The following COL25A1 variants were observed in gnomAD, a reference collection of about 807,000 sequenced individuals.
COL25A1 encodes the protein collagen alpha-1(XXV) chain.
A neutral mutation model predicts 128.4 loss-of-function variants in COL25A1; 103 were observed. The observed-to-expected ratio is 0.80, with a 90% CI of 0.68 to 0.94. The LOEUF (loss-of-function observed/expected upper bound fraction) is 0.94. Ranked by LOEUF, COL25A1 falls within the 40% of genes least tolerant of loss-of-function variation. COL25A1 has a pLI of 0.00. For synonymous variants in COL25A1, 279 were observed against 277.2 expected, an observed-to-expected ratio of 1.01 and a Z score of -0.06; for missense variants, 745 against 840.0, an observed-to-expected ratio of 0.89 and a Z score of 1.40.
chr4:109,013,484 C>CTT (rs1561025464), intron 5 of COL25A1, among the ~76,000 whole-genome samples: 1 of 151,194 alleles, frequency 6.6e-6, no homozygotes, highest in South Asian at 2.1e-4. Flanking sequence ...GAGTCCCCTT[C>CTT]CACACTGTGT....
intron 8 of COL25A1, among the ~76,000 whole-genome samples, chr4:108,970,623 G>T (rs915218116): frequency 1.3e-5 from 2 of 152,066 alleles, no homozygotes; most frequent in Non-Finnish European, 2.9e-5. Context: ...ATTAACTGTG[G>T]TCACGTTGCT....
chr4:109,050,104 G>A (rs775596336), intron 4 of COL25A1, 31 bp downstream of exon 4: 4 of 1,592,414 alleles, frequency 2.5e-6, no homozygotes, highest in Non-Finnish European at 3.4e-6. Context: ...CAGAACATGA[G>A]TGACACAGAG....
chr4:109,089,037 A>C (rs189575117), intron 3 of COL25A1, among the ~76,000 whole-genome samples: 170 of 152,346 alleles, frequency 1.1e-3, no homozygotes, highest in African/African-American at 3.7e-3. Context: ...AGATAAATGA[A>C]AAAGGGGCTT....
chr4:108,943,348 G>A (rs2125932104), intron 8 of COL25A1, among the ~76,000 whole-genome samples: 1 of 152,124 alleles, frequency 6.6e-6, no homozygotes, highest in African/African-American at 2.4e-5. Flanking sequence ...ACAACAACAG[G>A]GAACAAAATT....
intron 3 of COL25A1, among the ~76,000 whole-genome samples, chr4:109,167,872 G>A (rs1251410418): frequency 2.0e-5 from 3 of 152,126 alleles, no homozygotes; most frequent in Non-Finnish European, 4.4e-5. Flanking sequence ...TATAATTTCA[G>A]ATAGATGAGG....
intron 3 of COL25A1, among the ~76,000 whole-genome samples, chr4:109,130,813 C>G (rs891968940): frequency 6.6e-6 from 1 of 152,248 alleles, no homozygotes. Flanking sequence ...CTCTTTTGAT[C>G]ATGTAACCCT....
chr4:109,263,525 G>A (rs1053038850), intron 3 of COL25A1, among the ~76,000 whole-genome samples: 4 of 152,162 alleles, frequency 2.6e-5, no homozygotes, highest in African/African-American at 9.7e-5. Flanking sequence ...TATTAAAGCA[G>A]AGAAATGTAA....
At chr4:108,919,608 A>G (rs1745263525) in intron 12 of COL25A1, among the ~76,000 whole-genome samples, 1 of 152,120 alleles carries the variant, frequency 6.6e-6, no homozygotes, top group South Asian at 2.1e-4. Flanking sequence ...TGGGTTAAAT[A>G]TCCCCCTCCC....
At chr4:109,227,674 A>G (rs1340974187) in intron 3 of COL25A1, among the ~76,000 whole-genome samples, 1 of 151,984 alleles carries the variant, frequency 6.6e-6, no homozygotes, top group Non-Finnish European at 1.5e-5. Flanking sequence ...CAAGCGGACA[A>G]TTTTACAGAT....
At chr4:109,010,402 A>G in intron 5 of COL25A1, 27 bp from the exon 6 acceptor site, 1 of 1,529,842 alleles carries the variant, frequency 6.5e-7, no homozygotes, top group Non-Finnish European at 8.8e-7. Context: ...AAAGAAAAAC[A>G]ATTACAAAAT....
At chr4:109,086,139 G>A (rs927583820) in intron 3 of COL25A1, among the ~76,000 whole-genome samples, 1 of 152,184 alleles carries the variant, frequency 6.6e-6, no homozygotes, top group South Asian at 2.1e-4. Context: ...TTCAGTTCCT[G>A]CTGTTCTTTA....
chr4:109,105,664 G>C (rs1456368004), intron 3 of COL25A1, among the ~76,000 whole-genome samples: 1 of 152,094 alleles, frequency 6.6e-6, no homozygotes, highest in Non-Finnish European at 1.5e-5. Context: ...GATAAATAAG[G>C]CTTCACAACT....
At chr4:108,917,987 T>C (rs1162164218) in intron 13 of COL25A1, among the ~76,000 whole-genome samples, 185 bp downstream of exon 13, 1 of 149,894 alleles carries the variant, frequency 6.7e-6, no homozygotes, top group Admixed American at 6.6e-5. Flanking sequence ...AAAGAATTCC[T>C]GACTATTTAA....
At chr4:109,144,221 G>A (rs751785868) in intron 3 of COL25A1, among the ~76,000 whole-genome samples, 3 of 152,142 alleles carry the variant, frequency 2.0e-5, no homozygotes, top group East Asian at 1.9e-4. Context: ...TATCACCAGC[G>A]GAGGCTGCAG....
At chr4:109,227,160 G>GT (rs1778861509) in intron 3 of COL25A1, among the ~76,000 whole-genome samples, 1 of 151,978 alleles carries the variant, frequency 6.6e-6, no homozygotes, top group African/African-American at 2.4e-5. Flanking sequence ...AAATTTCTTC[G>GT]TTTTTTGAGG....
chr4:108,899,851 G>T (rs895966764), intron 14 of COL25A1, among the ~76,000 whole-genome samples: 1 of 152,012 alleles, frequency 6.6e-6, no homozygotes, highest in Admixed American at 6.6e-5. Context: ...ATAGCATGAG[G>T]ACTAAAATGC....
At chr4:109,088,917 G>T (rs1672723990) in intron 3 of COL25A1, among the ~76,000 whole-genome samples, 1 of 152,220 alleles carries the variant, frequency 6.6e-6, no homozygotes, top group African/African-American at 2.4e-5. Context: ...TTTTAATACT[G>T]TGGTACCCTC....
chr4:108,842,255 A>T (rs534756811), intron 30 of COL25A1, among the ~76,000 whole-genome samples: 2 of 152,336 alleles, frequency 1.3e-5, no homozygotes, highest in South Asian at 2.1e-4. Flanking sequence ...TTTATTTAAG[A>T]TTAAATAAAA....
intron 24 of COL25A1, among the ~76,000 whole-genome samples, chr4:108,855,835 A>C (rs947413898): frequency 2.6e-5 from 4 of 152,174 alleles, no homozygotes; most frequent in African/African-American, 7.2e-5. Flanking sequence ...AACTGGAAGC[A>C]CCAGTATGCA....
Sources: allele counts gnomAD v4.1 joint callset (sites outside exome capture counted in the v4.1 genomes callset), GRCh38; gene constraint gnomAD v4.1.1; transcripts MANE v1.5; gene names NCBI Gene and HGNC (gene_info 2026-07-23, HGNC 2026-07-21).